The following ZNF25 variants were observed in gnomAD, a reference collection of about 807,000 sequenced individuals.
ZNF25 encodes zinc finger protein 25.
ZNF25 carries 21 observed loss-of-function variants against 30.9 expected under a neutral mutation model. That is an observed-to-expected ratio of 0.68 (90% confidence interval 0.48 to 0.98). ZNF25 has a LOEUF of 0.98. Among genes scored for constraint, ZNF25 ranks in the 50% least tolerant of loss-of-function variants. The probability of loss-of-function intolerance (pLI) is 0.00; values close to 1 mark genes in which losing one functional copy is unlikely to be tolerated. For synonymous variants in ZNF25, 169 were observed against 181.3 expected, an observed-to-expected ratio of 0.93 and a Z score of 0.55; for missense variants, 501 against 529.9, an observed-to-expected ratio of 0.95 and a Z score of 0.54.
intron 2 of ZNF25, among the ~76,000 whole-genome samples, chr10:37,970,931 T>A (rs1409254403): frequency 6.6e-6 from 1 of 152,242 alleles, no homozygotes; most frequent in Non-Finnish European, 1.5e-5. Context: ...TGTATCACTT[T>A]GTCCTCCTAA....
chr10:37,957,444 T>C lies in ZNF25; in HGVS notation c.118A>G (p.Asn40Asp). The C allele has an allele frequency of 6.2e-7, 1 of 1,613,506 alleles. No individual in the cohort carries two copies. The highest frequency in any genetic ancestry group is 1.1e-5 in the South Asian group (1 of 90,936). ...CCCACTGAGACAAGGTGACTATAGT[T>C]TTCCAGCATCACATCCTTATACAGA... The part of the protein sequence containing the change: ...RTLYKDVMLE[N>D]YSHLVSVGYH... Residue 40 changes from asparagine to aspartate, a missense_variant, in exon 3 of 6, where the codon AAC becomes GAC. Physicochemically the swap from Asn to Asp is conservative, Grantham distance 23. Transcript: ENST00000302609.
At position 37,957,563 on chromosome 10, in the gene ZNF25, C is replaced by A; in HGVS notation, c.16-17G>T. 1 of 1,609,488 alleles carries A rather than the reference C, an allele frequency of 6.2e-7. No individual in the cohort carries two copies. Among genetic ancestry groups the A allele is most frequent in the Non-Finnish European group, 8.5e-7 (1 of 1,177,972 alleles). The stretch of plus-strand genomic sequence containing the variant: ...CACGGGTCCCTGGAATAACATACTT[C>A]AGTTCAATTTGAAGTAACCAGAATA... On this transcript the variant is annotated splice_polypyrimidine_tract_variant and intron_variant, in intron 2 of 5. Coordinates refer to ENST00000302609, the MANE Select transcript of ZNF25 (RefSeq NM_145011.4).
At chr10:37,959,946 G>A (rs921091545) in intron 2 of ZNF25, among the ~76,000 whole-genome samples, 10 of 151,576 alleles carry the variant, frequency 6.6e-5, no homozygotes, top group East Asian at 1.9e-4. Flanking sequence ...ACGGAGTCTC[G>A]CTCTGTCACC....
chr10:37,968,041 C>A (rs2063283947), intron 2 of ZNF25: 1 of 152,140 alleles, frequency 6.6e-6, no homozygotes, highest in African/African-American at 2.4e-5. Context: ...GGAGAAAAGA[C>A]AACACACAGT....
chr10:37,953,185 G>A lies in ZNF25; in HGVS notation c.313C>T (p.Leu105Phe). Residue 105 changes from leucine (L) to phenylalanine (F), a missense_variant, in exon 6 of 6, where the codon CTC becomes TTC. Leu to Phe is a conservative substitution (Grantham distance 22, BLOSUM62 0). Transcript: ENST00000302609. ...SQAGNSRNGE[L>F]TKHQKTHTTE... ...GTATGAGTTTTCTGATGTTTTGTGAGTTCTCCATTCCTAGACAGAAAGTTC... is the reference window on the plus strand; with the variant it reads ...GTATGAGTTTTCTGATGTTTTGTGAATTCTCCATTCCTAGACAGAAAGTTC... 1 of 1,582,728 alleles carries A rather than the reference G, an allele frequency of 6.3e-7. No homozygotes were observed. The highest frequency in any genetic ancestry group is 1.2e-5 in the South Asian group (1 of 85,494).
chr10:37,957,305 C>A, intron 3 of ZNF25, 115 bp downstream of exon 3: 1 of 1,398,856 alleles, frequency 7.1e-7, no homozygotes. Flanking sequence ...TTAACTTCGA[C>A]CTCTGAATCA....
chr10:37,957,535 T>C lies in ZNF25; in HGVS notation c.27A>G (p.Thr9=). MNKFQGPV[T]LKDVIVEFTK... is the part of the protein sequence containing the mutation. The stretch of plus-strand genomic sequence containing the variant: ...TGAATTCCACAATAACATCCTTTAA[T>C]GTCACGGGTCCCTGGAATAACATAC... The change falls in exon 3 of 6, where the codon ACA becomes ACG. Residue 9 remains threonine (T), a synonymous_variant. Coordinates refer to ENST00000302609, the MANE Select transcript of ZNF25 (RefSeq NM_145011.4). The C allele has an allele frequency of 6.2e-7, 1 of 1,613,580 alleles. No individual in the cohort carries two copies. Among genetic ancestry groups the C allele is most frequent in the Non-Finnish European group, 8.5e-7 (1 of 1,179,780 alleles).
At chr10:37,967,913 C>G (rs2063276532) in intron 2 of ZNF25, 1 of 152,138 alleles carries the variant, frequency 6.6e-6, no homozygotes, top group Non-Finnish European at 1.5e-5. Flanking sequence ...AAAACATAGC[C>G]TACCTTGAAT....
rs1450888672 is a variant in ZNF25, at chr10:37,950,910, C to T, written c.*1217G>A. ...AAATACAAATGCAGATAGCTCTGCT[C>T]CCTGCTCACACATCAACAGTAAGAT... On this transcript the variant is annotated 3_prime_UTR_variant, in exon 6 of 6. Transcript: ENST00000302609. 6.6e-6 allele frequency: 1 copy of T among 152,112 alleles called. No homozygotes were observed. 9.4% of individuals were successfully genotyped at this position (152,112 alleles called of 1,614,324 possible).
chr10:37,957,857 A>G (rs1241331208), intron 2 of ZNF25, among the ~76,000 whole-genome samples: 1 of 152,190 alleles, frequency 6.6e-6, no homozygotes, highest in Non-Finnish European at 1.5e-5. Context: ...ATAAAAAAAT[A>G]TAGTATTTTT....
Position 37,976,620 on chromosome 10 carries a change from A to G in ZNF25, c.-200T>C, listed in dbSNP as rs1202634553. 2 of 152,358 alleles carry G rather than the reference A, an allele frequency of 1.3e-5. No homozygotes were observed. Among genetic ancestry groups the G allele is most frequent in the Non-Finnish European group, 1.5e-5 (1 of 68,192 alleles). The allele number at this position is 152,358 out of a possible 1,614,324, so 9.4% of individuals were successfully genotyped here. ...TCTCCCCACCCTAGGGCGTAAGACC[A>G]AAAAAACGCCAATGCCAGAAAGAAG... On this transcript the variant is annotated 5_prime_UTR_variant, in exon 1 of 6. Transcript: ENST00000302609.
chr10:37,957,034 T>C lies in ZNF25; in HGVS notation c.224A>G (p.His75Arg), dbSNP rs2062574066. Residue 75 changes from histidine (H) to arginine (R), a missense_variant, in exon 4 of 6, where the codon CAT becomes CGT. His to Arg is a conservative substitution (Grantham distance 29, BLOSUM62 0). Transcript: ENST00000302609. Reference protein sequence around the residue: ...EPWILEVEFPHRGFPEDLWSI... With the variant: ...EPWILEVEFPRRGFPEDLWSI... ...TTCTAACTCACCAGGGAAGCCCCGA[T>C]GTGGAAATTCTACTTCTAATATCCA... 1 of 1,613,870 alleles carries C rather than the reference T, an allele frequency of 6.2e-7. No homozygotes were observed. Among genetic ancestry groups the C allele is most frequent in the Non-Finnish European group, 8.5e-7 (1 of 1,179,878 alleles).
At chr10:37,968,357 A>AT (rs34698067) in intron 2 of ZNF25, among the ~76,000 whole-genome samples, 15,233 of 139,662 alleles carry the variant, frequency 0.11, 993 homozygotes, top group Middle Eastern at 0.19. Context: ...CACCCGGCCA[A>AT]TTTTTTTTTT....
rs778836576 is a variant in ZNF25, at chr10:37,952,301, T to A, written c.1197A>T (p.Ala399=). 3 of 1,613,684 alleles carry A rather than the reference T, an allele frequency of 1.9e-6. No individual in the cohort carries two copies. The highest frequency in any genetic ancestry group is 8.5e-7 in the Non-Finnish European group (1 of 1,179,858). ...QRTHTGEKPY[A]CKECGKSFSQ... The stretch of plus-strand genomic sequence containing the variant: ...AAAAGGACTTCCCACATTCCTTGCA[T>A]GCATAGGGCTTCTCTCCTGTGTGAG... The change falls in exon 6 of 6, where the codon GCA becomes GCT. Residue 399 remains alanine, a synonymous_variant. Coordinates refer to ENST00000302609, the MANE Select transcript of ZNF25 (RefSeq NM_145011.4).
intron 3 of ZNF25, 143 bp downstream of exon 3, chr10:37,957,277 G>C (rs982023657): frequency 1.6e-4 from 215 of 1,309,598 alleles, no homozygotes; most frequent in Non-Finnish European, 2.1e-4. Context: ...ATTTTTTCTA[G>C]TACCCAAAAT....
At chr10:37,974,652 C>T (rs1371924230) in intron 1 of ZNF25, among the ~76,000 whole-genome samples, 1 of 152,180 alleles carries the variant, frequency 6.6e-6, no homozygotes, top group African/African-American at 2.4e-5. Flanking sequence ...AACCCTCATA[C>T]AACCTTGGTG....
chr10:37,962,413 G>C (rs1469197798), intron 2 of ZNF25, among the ~76,000 whole-genome samples: 1 of 152,102 alleles, frequency 6.6e-6, no homozygotes, highest in East Asian at 1.9e-4. Flanking sequence ...TGTTAACAAA[G>C]TGCTCACATC....
intron 2 of ZNF25, among the ~76,000 whole-genome samples, chr10:37,969,304 A>G (rs1487246884): frequency 6.6e-6 from 1 of 152,218 alleles, no homozygotes; most frequent in Non-Finnish European, 1.5e-5. Flanking sequence ...AATAGGTATC[A>G]AATACTTACA....
rs897319618 is a variant in ZNF25 at position 37,957,427 on chromosome 10, G to C, written c.135C>G (p.Val45=). The change falls in exon 3 of 6, where the codon GTC becomes GTG. Residue 45 remains valine, a synonymous_variant. Transcript: ENST00000302609. ...TGGGGAAGTTTTCCTCACCCACTGA[G>C]ACAAGGTGACTATAGTTTTCCAGCA... The part of the protein sequence containing the change: ...DVMLENYSHL[V]SVGYHVNKPN... The C allele has an allele frequency of 5.0e-6, 8 of 1,612,806 alleles. No homozygotes were observed. Among genetic ancestry groups the C allele is most frequent in the Non-Finnish European group, 6.8e-6 (8 of 1,179,444 alleles).
Sources: allele counts gnomAD v4.1 joint callset (sites outside exome capture counted in the v4.1 genomes callset), GRCh38; gene constraint gnomAD v4.1.1; transcripts MANE v1.5; gene names NCBI Gene and HGNC (gene_info 2026-07-23, HGNC 2026-07-21).